The following TTC19 variants were observed in gnomAD, a reference collection of about 807,000 sequenced individuals.
TTC19 encodes the protein tetratricopeptide repeat domain 19.
In TTC19, 38 loss-of-function variants were observed where a neutral mutation model predicts 49.5. The ratio of observed to expected loss-of-function variants is 0.77; its 90% confidence interval spans 0.59 to 1.01. The LOEUF is 1.01. Ranked by LOEUF, TTC19 falls within the 50% of genes least tolerant of loss-of-function variation. TTC19 has a pLI of 0.00. For synonymous variants in TTC19, 204 were observed against 185.2 expected (o/e 1.10, Z -0.83); for missense variants, 475 against 477.7 (o/e 0.99, Z 0.05).
At chr17:16,029,881 A>G (rs954927564), downstream of TTC19, 1 of 153,122 alleles carries the variant, frequency 6.5e-6, no homozygotes, top group Non-Finnish European at 1.5e-5. Context: ...ACAGCACCTC[A>G]CCTTCGGGTC....
chr17:16,039,925 G>C, intron 2 of TTC19: 1 of 419,790 alleles, frequency 2.4e-6, no homozygotes, highest in Non-Finnish European at 4.5e-6. Flanking sequence ...CAAGTAGCTG[G>C]GACTACAGGC....
At chr17:16,035,204 GC>G (rs1269630212) in intron 2 of TTC19, among the ~76,000 whole-genome samples, 2 of 152,150 alleles carry the variant, frequency 1.3e-5, no homozygotes, top group Non-Finnish European at 2.9e-5. Context: ...GTTGCCAAAG[GC>G]TGGGATGGCT....
At chr17:16,006,372 T>G (rs558243095) in intron 6 of TTC19, 102 bp from the exon 7 acceptor site, 16 of 856,868 alleles carry the variant, frequency 1.9e-5, no homozygotes, top group African/African-American at 1.8e-4. Context: ...GTCACGCCAT[T>G]GCACTCCAGC....
At chr17:16,024,235 T>C (rs1971474412) in intron 7 of TTC19, 1 of 152,230 alleles carries the variant, frequency 6.6e-6, no homozygotes. Flanking sequence ...TATGTCATTG[T>C]AAGCTTTATT....
At chr17:16,000,876 C>A (rs1243114113) in intron 2 of TTC19, among the ~76,000 whole-genome samples, 1 of 152,216 alleles carries the variant, frequency 6.6e-6, no homozygotes. Flanking sequence ...CTTTCGCCAT[C>A]TCTTTACTAC....
At chr17:16,011,525 G>A (rs1971069342) in intron 7 of TTC19, among the ~76,000 whole-genome samples, 1 of 152,224 alleles carries the variant, frequency 6.6e-6, no homozygotes, top group Non-Finnish European at 1.5e-5. Context: ...TTTGGGGAAG[G>A]AGTGGAGAGG....
chr17:16,026,313 T>C (rs796788690), intron 8 of TTC19, among the ~76,000 whole-genome samples: 6 of 152,346 alleles, frequency 3.9e-5, no homozygotes, highest in African/African-American at 1.4e-4. Context: ...TGTTACCTAA[T>C]TTCCAGATTT....
At chr17:16,005,095 T>A (rs969845996) in intron 6 of TTC19, among the ~76,000 whole-genome samples, 3 of 152,196 alleles carry the variant, frequency 2.0e-5, no homozygotes, top group Non-Finnish European at 4.4e-5. Context: ...CTAATAAACA[T>A]TGTTGAGTAA....
intron 2 of TTC19, among the ~76,000 whole-genome samples, chr17:16,038,727 C>G (rs1312185050): frequency 5.3e-5 from 8 of 152,064 alleles, no homozygotes; most frequent in Non-Finnish European, 7.4e-5. Context: ...TTTTTTCCTA[C>G]TCTTTTTTTA....
At chr17:16,027,216 C>G in intron 9 of TTC19, 158 bp from the exon 10 acceptor site, 1 of 836,342 alleles carries the variant, frequency 1.2e-6, no homozygotes, top group Non-Finnish European at 1.9e-6. Context: ...CAGTGGAGTT[C>G]CAGCCTGTCA....
At chr17:16,024,108 T>C (rs142985146) in intron 7 of TTC19, 1 of 152,334 alleles carries the variant, frequency 6.6e-6, no homozygotes, top group East Asian at 1.9e-4. Flanking sequence ...CCCAGGTTGA[T>C]ATAGGTTACC....
intron 8 of TTC19, among the ~76,000 whole-genome samples, chr17:16,025,735 G>C (rs1413939769): frequency 6.6e-6 from 1 of 152,196 alleles, no homozygotes. Context: ...TTAGATGTAA[G>C]GAGTGCATTG....
chr17:16,037,639 C>G (rs1305711408), intron 2 of TTC19, among the ~76,000 whole-genome samples: 1 of 152,096 alleles, frequency 6.6e-6, no homozygotes, highest in Admixed American at 6.5e-5. Context: ...TAATGACCAA[C>G]CCCCCTTTCC....
intron 2 of TTC19, chr17:16,039,553 C>T (rs2151985518): frequency 1.2e-6 from 2 of 1,614,178 alleles, no homozygotes; most frequent in South Asian, 1.1e-5. Flanking sequence ...TGATCCTCAA[C>T]TTTGTCATCA....
At chr17:16,010,578 G>C (rs1008756589) in intron 7 of TTC19, among the ~76,000 whole-genome samples, 1 of 151,636 alleles carries the variant, frequency 6.6e-6, no homozygotes, top group East Asian at 1.9e-4. Context: ...CGGTTCAAGC[G>C]ATTCTCCTGC....
At chr17:16,043,474 T>TA (rs1319021013) in intron 2 of TTC19, among the ~76,000 whole-genome samples, 1 of 152,236 alleles carries the variant, frequency 6.6e-6, no homozygotes, top group African/African-American at 2.4e-5. Context: ...TATCTCCTGT[T>TA]AAAGTTAGGT....
At chr17:16,004,411 A>AT (rs1970832212) in intron 6 of TTC19, 149 bp downstream of exon 6, 1 of 816,758 alleles carries the variant, frequency 1.2e-6, no homozygotes, top group African/African-American at 1.7e-5. Context: ...TGAAATTGTC[A>AT]GTCTTTTTCC....
intron 2 of TTC19, chr17:16,034,722 T>G: frequency 1.3e-6 from 2 of 1,516,434 alleles, no homozygotes; most frequent in Non-Finnish European, 1.8e-6. Flanking sequence ...GACATTGATA[T>G]TATTGCTCTG....
chr17:16,000,324 T>C (rs1970682508), intron 2 of TTC19, 79 bp downstream of exon 2: 5 of 1,561,032 alleles, frequency 3.2e-6, no homozygotes, highest in Non-Finnish European at 4.3e-6. Context: ...TGCGCATTAC[T>C]CTCTCCGCCT....
Sources: allele counts gnomAD v4.1 joint callset (sites outside exome capture counted in the v4.1 genomes callset), GRCh38; gene constraint gnomAD v4.1.1; transcripts MANE v1.5; gene names NCBI Gene and HGNC (gene_info 2026-07-23, HGNC 2026-07-21).